DPY19L2: variants seen among roughly 807,000 people sequenced by gnomAD.
DPY19L2 encodes the protein probable C-mannosyltransferase DPY19L2.
In DPY19L2, 34 loss-of-function variants were observed where a neutral mutation model predicts 97.9. The observed-to-expected ratio is 0.35, with a 90% confidence interval of 0.26 to 0.46. The LOEUF (loss-of-function observed/expected upper bound fraction) is 0.46, where lower values mean the gene tolerates loss of function less well. DPY19L2 is among the 20% of genes least tolerant of loss of function. The pLI is 1.00. For synonymous variants in DPY19L2, 230 were observed against 307.9 expected (o/e 0.75, Z 2.65); for missense variants, 623 against 911.4 (o/e 0.68, Z 4.07).
At chr12:63,566,774 A>G (rs1044314588) in intron 21 of DPY19L2, among the ~76,000 whole-genome samples, 6 of 152,206 alleles carry the variant, frequency 3.9e-5, no homozygotes, top group African/African-American at 1.4e-4. Flanking sequence ...TTTTGTATGA[A>G]CACAACTTTC....
rs1477349308 is a variant in DPY19L2, at chr12:63,580,838, T to C, written c.1726-2A>G. 6.2e-7 allele frequency: 1 copy of C among 1,610,520 alleles called. No homozygotes were observed. The highest frequency in any genetic ancestry group is 8.5e-7 in the Non-Finnish European group (1 of 1,178,784). ...TCTGCGAAAAAGCCAGCCAAAGAGC[T>C]GAAACGAAAGAAACCGTTTATTTCT... On this transcript the variant is annotated splice_acceptor_variant, in intron 18 of 21. Transcript: ENST00000324472. LOFTEE classifies it high-confidence loss of function.
At chr12:63,570,725 T>A (rs1479101011) in intron 20 of DPY19L2, 33 bp downstream of exon 20, 3 of 1,599,172 alleles carry the variant, frequency 1.9e-6, no homozygotes, top group Non-Finnish European at 2.6e-6. Flanking sequence ...AGTTGCCAAG[T>A]GAGTCTTGAA....
chr12:63,627,975 C>G (rs1889860913), intron 6 of DPY19L2, among the ~76,000 whole-genome samples: 1 of 152,136 alleles, frequency 6.6e-6, no homozygotes, highest in Non-Finnish European at 1.5e-5. Flanking sequence ...AAAGGATGAA[C>G]TTCAAAGAGG....
intron 4 of DPY19L2, among the ~76,000 whole-genome samples, chr12:63,654,866 T>A (rs1894760048): frequency 6.6e-6 from 1 of 152,034 alleles, no homozygotes. Flanking sequence ...AACGGAGAAA[T>A]GAACAAATAC....
intron 4 of DPY19L2, among the ~76,000 whole-genome samples, chr12:63,659,128 C>G (rs1204230979): frequency 6.6e-6 from 1 of 152,098 alleles, no homozygotes; most frequent in East Asian, 1.9e-4. Context: ...TAATTACAGA[C>G]TGTATCATCA....
rs987824083 is a variant in DPY19L2, at chr12:63,621,165, A to C, written c.1053+73T>G. 6 of 1,191,218 alleles carry C rather than the reference A, an allele frequency of 5.0e-6. No homozygotes were observed. In the Admixed American group the frequency reaches 8.9e-5, roughly 18 times the overall value. The allele number at this position is 1,191,218 out of a possible 1,614,324, so 73.8% of individuals were successfully genotyped here. A position where few individuals can be genotyped will look rare whatever the true frequency, so the allele number is the denominator to read the frequency against. Reference sequence around the variant, plus strand: ...CATGGCATACATTTACCTACATAACAAACCTGTACATCCCGCACATGTACC... The same window carrying C: ...CATGGCATACATTTACCTACATAACCAACCTGTACATCCCGCACATGTACC... On this transcript the variant is annotated intron_variant, in intron 9 of 21. Transcript: ENST00000324472.
chr12:63,578,383 T>C (rs1047636635), intron 19 of DPY19L2, among the ~76,000 whole-genome samples: 8 of 152,084 alleles, frequency 5.3e-5, no homozygotes, highest in African/African-American at 1.9e-4. Flanking sequence ...GGATAAGATG[T>C]AGTGTTTGGT....
At chr12:63,647,391 T>C (rs762536420) in intron 4 of DPY19L2, 26 bp from the exon 5 acceptor site, 8 of 1,280,052 alleles carry the variant, frequency 6.2e-6, no homozygotes, top group Admixed American at 2.2e-5. Context: ...AACAAAGAGA[T>C]AATTGAGGTA....
At chr12:63,641,645 T>C (rs1892719286) in intron 6 of DPY19L2, among the ~76,000 whole-genome samples, 1 of 152,082 alleles carries the variant, frequency 6.6e-6, no homozygotes, top group African/African-American at 2.4e-5. Context: ...GTATAGTTCA[T>C]TCATTCTCAT....
In DPY19L2 at chr12:63,583,718, A is replaced by C. The variant is rs370259156; in HGVS notation, c.1605+94T>G. 1.1e-5 allele frequency: 13 copies of C among 1,215,036 alleles called. No individual in the cohort carries two copies. In the East Asian group the frequency reaches 2.6e-4, roughly 24 times the overall value. The allele number at this position is 1,215,036 out of a possible 1,614,324, so 75.3% of individuals were successfully genotyped here. On this transcript the variant is annotated intron_variant, in intron 17 of 21. Coordinates refer to ENST00000324472, the MANE Select transcript of DPY19L2 (RefSeq NM_173812.5). ...ACCAATGCTGAACAACTCACTACTG[A>C]AGGTGCATCAGCAGCAAGGTTATAC...
At chr12:63,600,256 T>C in intron 13 of DPY19L2, 50 bp downstream of exon 13, 1 of 1,458,648 alleles carries the variant, frequency 6.9e-7, no homozygotes, top group Non-Finnish European at 9.6e-7. Context: ...AAGTTTTCAT[T>C]CAGCTACATA....
chr12:63,643,288 T>C (rs1892958225), intron 6 of DPY19L2, among the ~76,000 whole-genome samples: 1 of 152,052 alleles, frequency 6.6e-6, no homozygotes, highest in African/African-American at 2.4e-5. Context: ...ATAGTATTCC[T>C]GGCACAACAC....
At chr12:63,588,099 A>G (rs899088415) in intron 16 of DPY19L2, among the ~76,000 whole-genome samples, 57 of 152,206 alleles carry the variant, frequency 3.7e-4, no homozygotes, top group Non-Finnish European at 6.0e-4. Flanking sequence ...AAAAACAACA[A>G]AAGTGCACCA....
At chr12:63,636,946 C>T (rs1248882154) in intron 6 of DPY19L2, among the ~76,000 whole-genome samples, 9 of 152,146 alleles carry the variant, frequency 5.9e-5, no homozygotes, top group Non-Finnish European at 1.2e-4. Flanking sequence ...TAATAGACAT[C>T]TACAGAACTC....
chr12:63,648,705 C>T (rs1893775995), intron 4 of DPY19L2, among the ~76,000 whole-genome samples: 1 of 151,940 alleles, frequency 6.6e-6, no homozygotes, highest in Non-Finnish European at 1.5e-5. Flanking sequence ...CCCCTTTTCC[C>T]CTTCCTTTGC....
intron 16 of DPY19L2, among the ~76,000 whole-genome samples, chr12:63,589,844 C>T (rs1882573633): frequency 6.6e-6 from 1 of 152,074 alleles, no homozygotes; most frequent in Admixed American, 6.5e-5. Flanking sequence ...AAACATAACA[C>T]ATAGCCGGGC....
chr12:63,631,037 A>G lies in DPY19L2; in HGVS notation c.804-4511T>C, dbSNP rs970021017. Among the ~76,000 whole-genome samples the G allele has an allele frequency of 1.6e-4, 24 of 152,306 alleles. 1 individual carries two copies. Among genetic ancestry groups the G allele is most frequent in the African/African-American group, 5.5e-4 (23 of 41,564 alleles). On this transcript the variant is annotated intron_variant, in intron 6 of 21. Transcript: ENST00000324472. ...AAACCAACGAGAACAAAGACACAAC[A>G]TATTAGAATCTCTGGGACACATTCA...
chr12:63,562,881 C>T (rs1876881490), intron 21 of DPY19L2, among the ~76,000 whole-genome samples: 1 of 151,678 alleles, frequency 6.6e-6, no homozygotes, highest in African/African-American at 2.4e-5. Context: ...CTGCAACCTC[C>T]GTCTCCTAGG....
At chr12:63,567,934 C>T (rs368540344) in intron 21 of DPY19L2, among the ~76,000 whole-genome samples, 3 of 151,814 alleles carry the variant, frequency 2.0e-5, no homozygotes, top group Non-Finnish European at 2.9e-5. Flanking sequence ...TTGATTTTAC[C>T]GTTGTGACTA....
Sources: gnomAD v4.1 joint callset for allele counts (sites outside exome capture counted in the v4.1 genomes callset) on GRCh38, gnomAD v4.1.1 for gene constraint, MANE v1.5 for transcripts, NCBI Gene and HGNC (gene_info 2026-07-23, HGNC 2026-07-21) for gene names.